The following ATP1A4 variants were observed in gnomAD, a reference collection of about 807,000 sequenced individuals.
The protein encoded by ATP1A4 is ATPase Na+/K+ transporting subunit alpha 4.
A neutral mutation model predicts 114.3 loss-of-function variants in ATP1A4; 90 were observed. The observed-to-expected ratio is 0.79, with a 90% CI of 0.66 to 0.94. ATP1A4 has a LOEUF of 0.94. Among genes scored for constraint, ATP1A4 ranks in the 40% least tolerant of loss-of-function variants. The pLI, the probability that ATP1A4 is intolerant of heterozygous loss-of-function variation, is 0.00. For missense variants in ATP1A4, 1,222 were observed against 1,313.6 expected (o/e 0.93, Z 1.08); for synonymous variants, 511 against 494.1 (o/e 1.03, Z -0.45).
chr1:160,172,804 T>C (rs1407331153), intron 12 of ATP1A4, among the ~76,000 whole-genome samples: 1 of 152,170 alleles, frequency 6.6e-6, no homozygotes. Flanking sequence ...GGGCCATGTG[T>C]GCTGGGAGGG....
chr1:160,152,246 C>T, intron 1 of ATP1A4, 59 bp downstream of exon 1: 3 of 1,558,540 alleles, frequency 1.9e-6, no homozygotes, highest in Non-Finnish European at 2.6e-6. Flanking sequence ...CTCCACCTAT[C>T]TTTAACATCT....
chr1:160,176,392 G>A (rs747814756), intron 16 of ATP1A4, 87 bp from the exon 17 acceptor site: 209 of 1,601,686 alleles, frequency 1.3e-4, no homozygotes, highest in Middle Eastern at 5.0e-4. Flanking sequence ...TTGAGGCTGC[G>A]TCAAGACAGA....
intron 10 of ATP1A4, among the ~76,000 whole-genome samples, chr1:160,168,558 AT>A (rs1558022270): frequency 6.6e-6 from 1 of 151,726 alleles, no homozygotes; most frequent in African/African-American, 2.4e-5. Context: ...AATTTTTTGT[AT>A]TTTTAGTAGA....
At chr1:160,166,854 G>A (rs541809888) in intron 8 of ATP1A4, 114 bp from the exon 9 acceptor site, 2 of 1,496,822 alleles carry the variant, frequency 1.3e-6, no homozygotes, top group East Asian at 2.3e-5. Context: ...AGGGAGGTGT[G>A]AAGGAAAAGA....
At chr1:160,177,237 G>T (rs1653500950) in intron 17 of ATP1A4, among the ~76,000 whole-genome samples, 1 of 151,962 alleles carries the variant, frequency 6.6e-6, no homozygotes, top group African/African-American at 2.4e-5. Flanking sequence ...ATTGGGAGAG[G>T]GAATCAGTGG....
Position 160,167,419 on chromosome 1 carries a change from A to G in ATP1A4, c.1491+7A>G. The stretch of plus-strand genomic sequence containing the variant: ...TTCTACCAACAAGTACCAGGTACAG[A>G]ACCCACAAAGGTAGGAGAATGGTGG... On this transcript the variant is annotated splice_region_variant and intron_variant, in intron 10 of 21. Transcript: ENST00000368081. 6.2e-7 allele frequency: 1 copy of G among 1,611,176 alleles called. No individual in the cohort carries two copies. The highest frequency in any genetic ancestry group is 8.5e-7 in the Non-Finnish European group (1 of 1,179,302).
chr1:160,155,178 CT>C lies in ATP1A4; in HGVS notation c.342del (p.Ala116ProfsTer25). ...LFGGFSLLLWTGAILCFVAYS... is the reference protein window; with the variant it reads ...LFGGFSLLLWXGAILCFVAYS... ...GGAGGCTTCTCCCTCCTACTATGGA[CT>C]GGGGCCATTCTCTGCTTTGTGGCCT... On this transcript the variant is annotated frameshift_variant, in exon 3 of 22. Transcript: ENST00000368081. LOFTEE classifies it high-confidence loss of function. The C allele has an allele frequency of 6.2e-7, 1 of 1,613,476 alleles. No individual in the cohort carries two copies. Among genetic ancestry groups the C allele is most frequent in the African/African-American group, 1.3e-5 (1 of 74,790 alleles).
chr1:160,159,596 C>A, intron 6 of ATP1A4, 70 bp downstream of exon 6: 1 of 1,378,328 alleles, frequency 7.3e-7, no homozygotes, highest in Non-Finnish European at 1.0e-6. Flanking sequence ...TAATAACTGT[C>A]TTCTAAAGGT....
At position 160,176,505 on chromosome 1, in the gene ATP1A4, G is replaced by A. The variant is rs1653469496; in HGVS notation, c.2493G>A (p.Glu831=). Residue 831 remains glutamate (E), a synonymous_variant, in exon 17 of 22, where the codon GAG becomes GAA. Transcript: ENST00000368081. ...TCCCTGCCATCTCCTTGGCTTATGA[G>A]TCAGCTGAAAGCGACATCATGAAGA... ...DMVPAISLAY[E]SAESDIMKRL... 6.2e-7 allele frequency: 1 copy of A among 1,614,168 alleles called. No individual in the cohort carries two copies. The highest frequency in any genetic ancestry group is 8.5e-7 in the Non-Finnish European group (1 of 1,180,028).
At chr1:160,174,857 C>T (rs1284759698) in intron 15 of ATP1A4, 110 bp downstream of exon 15, 133 of 1,498,228 alleles carry the variant, frequency 8.9e-5, no homozygotes, top group Non-Finnish European at 1.1e-4. Flanking sequence ...TGAGCCTGTA[C>T]GGGCTCAGAA....
intron 18 of ATP1A4, among the ~76,000 whole-genome samples, chr1:160,178,485 G>A (rs1428639786): frequency 6.6e-6 from 1 of 152,042 alleles, no homozygotes; most frequent in Non-Finnish European, 1.5e-5. Flanking sequence ...GACCATCCTG[G>A]CCAACATGGT....
At chr1:160,165,040 G>T (rs755406065) in intron 7 of ATP1A4, among the ~76,000 whole-genome samples, 1 of 152,114 alleles carries the variant, frequency 6.6e-6, no homozygotes, top group Non-Finnish European at 1.5e-5. Flanking sequence ...TTAGATTTTT[G>T]ATGGTAGCCA....
intron 18 of ATP1A4, among the ~76,000 whole-genome samples, chr1:160,177,926 G>T (rs1653539320): frequency 6.6e-6 from 1 of 152,146 alleles, no homozygotes; most frequent in South Asian, 2.1e-4. Context: ...GAGTCCTTTG[G>T]CTCCTTGGAG....
chr1:160,175,910 G>A (rs1051657724), intron 15 of ATP1A4, among the ~76,000 whole-genome samples, 182 bp from the exon 16 acceptor site: 1 of 152,092 alleles, frequency 6.6e-6, no homozygotes, highest in Non-Finnish European at 1.5e-5. Context: ...GTACACAGAC[G>A]GCATGGCTCT....
At chr1:160,161,922 A>G (rs923600225) in intron 6 of ATP1A4, among the ~76,000 whole-genome samples, 3 of 152,200 alleles carry the variant, frequency 2.0e-5, no homozygotes, top group African/African-American at 7.2e-5. Flanking sequence ...TGCTCCTACT[A>G]AGTCACAAGT....
Position 160,171,454 on chromosome 1 carries a change from G to A in ATP1A4, c.1681+14G>A, listed in dbSNP as rs1250476930. On this transcript the variant is annotated intron_variant, in intron 11 of 21. Coordinates refer to ENST00000368081, the MANE Select transcript of ATP1A4 (RefSeq NM_144699.4). ...AACGTGTGCTAGGTGAGGAGCTTTG[G>A]GAGAAGTTTTTAAAAGAATGGCATC... The A allele has an allele frequency of 6.2e-7, 1 of 1,611,106 alleles. No individual in the cohort carries two copies. The highest frequency in any genetic ancestry group is 1.1e-5 in the South Asian group (1 of 90,914).
Position 160,164,292 on chromosome 1 carries a change from G to A in ATP1A4, c.915G>A (p.Val305=). 1 of 1,614,152 alleles carries A rather than the reference G, an allele frequency of 6.2e-7. No individual in the cohort carries two copies. The highest frequency in any genetic ancestry group is 8.5e-7 in the Non-Finnish European group (1 of 1,180,018). ...EIEHFIHLIT[V]VAVFLGVTFF... ...AACACTTCATCCATCTGATCACTGT[G>A]GTGGCCGTCTTCCTTGGTGTCACTT... Residue 305 remains valine, a synonymous_variant, in exon 7 of 22, where the codon GTG becomes GTA. Coordinates refer to ENST00000368081, the MANE Select transcript of ATP1A4 (RefSeq NM_144699.4).
intron 15 of ATP1A4, among the ~76,000 whole-genome samples, chr1:160,175,215 C>T (rs1653417942): frequency 6.6e-6 from 1 of 152,220 alleles, no homozygotes; most frequent in Non-Finnish European, 1.5e-5. Context: ...TACACACCCT[C>T]TTCCCCAGAG....
Position 160,176,206 on chromosome 1 carries a change from G to T in ATP1A4, c.2426G>T (p.Gly809Val), listed in dbSNP as rs761183020. The change falls in exon 16 of 22, where the codon GGA (glycine) becomes GTA (valine). Residue 809 changes from glycine to valine, a missense_variant. Transcript: ENST00000368081. ...ATCCTCGGTATACCCCTGCCTCTGG[G>T]AACCATAACCATCCTCTGCATTGAT... is the stretch of plus-strand genomic sequence containing the variant. ...FIILGIPLPLGTITILCIDLG... is the reference protein window; with the variant it reads ...FIILGIPLPLVTITILCIDLG... The T allele has an allele frequency of 6.2e-7, 1 of 1,613,984 alleles. No individual in the cohort carries two copies. Among genetic ancestry groups the T allele is most frequent in the Non-Finnish European group, 8.5e-7 (1 of 1,179,994 alleles).
Sources: allele counts gnomAD v4.1 joint callset (sites outside exome capture counted in the v4.1 genomes callset), GRCh38; gene constraint gnomAD v4.1.1; transcripts MANE v1.5; gene names NCBI Gene and HGNC (gene_info 2026-07-23, HGNC 2026-07-21).